SPAG9: variants seen among roughly 807,000 people sequenced by gnomAD.
The protein encoded by SPAG9 is C-Jun-amino-terminal kinase-interacting protein 4.
A neutral mutation model predicts 166.5 loss-of-function variants in SPAG9; 35 were observed. The ratio of observed to expected loss-of-function variants is 0.21; its 90% CI spans 0.16 to 0.28. The LOEUF (loss-of-function observed/expected upper bound fraction) is 0.28. Among genes scored for constraint, SPAG9 ranks in the 10% least tolerant of loss-of-function variants. SPAG9 has a pLI of 1.00. For synonymous variants in SPAG9, 534 were observed against 565.5 expected (o/e 0.94, Z 0.79); for missense variants, 1,235 against 1,603.3 (o/e 0.77, Z 3.92).
chr17:50,984,412 C>A (rs996100686), intron 24 of SPAG9, among the ~76,000 whole-genome samples: 1 of 152,158 alleles, frequency 6.6e-6, no homozygotes, highest in Non-Finnish European at 1.5e-5. Context: ...ACCAGCCGGG[C>A]ACGGTGGCTC....
chr17:50,998,480 C>T lies in SPAG9; in HGVS notation c.1802G>A (p.Gly601Glu). The change falls in exon 15 of 30, where the codon GGG becomes GAG. Residue 601 changes from glycine to glutamate, a missense_variant. Around this residue, in one of 6 missense-constraint regions of SPAG9, gnomAD observed 493 missense variants for 559.4 expected, o/e 0.88. Coordinates refer to ENST00000262013, the MANE Select transcript of SPAG9 (RefSeq NM_001130528.3). ...KRSSTLSQLPGDKSKAFDFLS... is the reference protein window; with the variant it reads ...KRSSTLSQLPEDKSKAFDFLS... ...GAAATCAAAGGCTTTGGACTTATCC[C>T]CAGGGAGCTGAGATAAGGTGCTGCT... 6.2e-7 allele frequency: 1 copy of T among 1,614,060 alleles called. No individual in the cohort carries two copies. Among genetic ancestry groups the T allele is most frequent in the African/African-American group, 1.3e-5 (1 of 75,008 alleles).
At chr17:51,007,676 A>C (rs967115558) in intron 9 of SPAG9, among the ~76,000 whole-genome samples, 2 of 152,150 alleles carry the variant, frequency 1.3e-5, no homozygotes, top group Admixed American at 6.5e-5. Context: ...ATATTCCAAC[A>C]CTACATAGGG....
chr17:51,033,368 A>C (rs993879001), intron 5 of SPAG9, among the ~76,000 whole-genome samples: 2 of 152,096 alleles, frequency 1.3e-5, no homozygotes, highest in African/African-American at 2.4e-5. Context: ...TTATCTTAAA[A>C]AGATATTATA....
chr17:51,065,375 A>G (rs1469094113), intron 2 of SPAG9, among the ~76,000 whole-genome samples: 2 of 152,102 alleles, frequency 1.3e-5, no homozygotes, highest in Non-Finnish European at 2.9e-5. Flanking sequence ...CCTATCCCTT[A>G]ACACAAGTAT....
intron 1 of SPAG9, among the ~76,000 whole-genome samples, chr17:51,118,069 G>A (rs1233966245): frequency 2.0e-5 from 3 of 151,342 alleles, no homozygotes; most frequent in East Asian, 1.9e-4. Flanking sequence ...GCTTGAACCC[G>A]GGAGGCAGTG....
chr17:51,079,956 T>C, intron 1 of SPAG9, among the ~76,000 whole-genome samples: 1 of 152,230 alleles, frequency 6.6e-6, no homozygotes. Context: ...CATATCTTAC[T>C]ACAAATATAT....
At position 50,995,398 on chromosome 17, in the gene SPAG9, A is replaced by G. The variant is rs1225146139; in HGVS notation, c.2058+46T>C. 2.0e-6 allele frequency: 3 copies of G among 1,499,362 alleles called. No homozygotes were observed. In the Admixed American group the frequency reaches 5.6e-5, roughly 28 times the overall value. The allele number at this position is 1,499,362 out of a possible 1,614,324, so 92.9% of individuals were successfully genotyped here. ...CTTTTTTGGTTTTAGAAAAAAAACT[A>G]CCCAGAGTTTAGAAAACATCTCCTT... On this transcript the variant is annotated intron_variant, in intron 17 of 29. Transcript: ENST00000262013.
chr17:51,115,428 T>C (rs1381619284), intron 1 of SPAG9, among the ~76,000 whole-genome samples: 2 of 151,752 alleles, frequency 1.3e-5, no homozygotes, highest in Non-Finnish European at 2.9e-5. Flanking sequence ...TTTTTTTTTT[T>C]TTTTAAAGCA....
intron 2 of SPAG9, among the ~76,000 whole-genome samples, chr17:51,065,178 A>G (rs981369074): frequency 6.6e-6 from 1 of 152,226 alleles, no homozygotes. Flanking sequence ...TGATATGTGA[A>G]TTAGATTTCA....
At chr17:50,991,923 C>CTTTTTT (rs1023810785) in intron 19 of SPAG9, among the ~76,000 whole-genome samples, 5 of 63,338 alleles carry the variant, frequency 7.9e-5, no homozygotes, top group Non-Finnish European at 1.1e-4. Context: ...CATGCCAGGT[C>CTTTTTT]TTTTTTTTTT....
intron 1 of SPAG9, among the ~76,000 whole-genome samples, chr17:51,097,365 G>A (rs774329547): frequency 1.3e-5 from 2 of 152,124 alleles, no homozygotes; most frequent in Admixed American, 6.6e-5. Flanking sequence ...AGACTGTACT[G>A]GACACAGAGG....
Position 51,089,615 on chromosome 17 carries a change from TTATTTTATATATATATATATATATATA to T in SPAG9, c.304-9938_304-9912del, listed in dbSNP as rs760408279. 5.0e-3 allele frequency among the ~76,000 whole-genome samples: 542 copies of T among 108,022 alleles called. 8 individuals carry two copies. The highest frequency in any genetic ancestry group is 0.016 in the African/African-American group (481 of 29,724). 70.9% of individuals were successfully genotyped at this position (108,022 alleles called of 152,430 possible). On this transcript the variant is annotated intron_variant, in intron 1 of 29. Transcript: ENST00000262013. ...CTTATTATATGTATATATATACACT[TTATTTTATATATATATATATATATATA>T]TATATATATATATATATATATACAC...
intron 1 of SPAG9, among the ~76,000 whole-genome samples, chr17:51,089,530 C>T (rs1165693846): frequency 6.8e-6 from 1 of 146,266 alleles, no homozygotes; most frequent in Non-Finnish European, 1.5e-5. Flanking sequence ...CTACCTGTTC[C>T]CCAAAAAATA....
At chr17:50,991,918 C>G (rs1198055139) in intron 19 of SPAG9, among the ~76,000 whole-genome samples, 2 of 140,966 alleles carry the variant, frequency 1.4e-5, no homozygotes, top group African/African-American at 2.6e-5. Flanking sequence ...GCCACCATGC[C>G]AGGTCTTTTT....
At chr17:51,048,621 T>A (rs1173227842) in intron 3 of SPAG9, among the ~76,000 whole-genome samples, 3 of 152,178 alleles carry the variant, frequency 2.0e-5, no homozygotes, top group Admixed American at 1.3e-4. Context: ...ATAAAATTTT[T>A]AAAAAGTTTA....
intron 26 of SPAG9, among the ~76,000 whole-genome samples, chr17:50,977,879 G>A (rs1215172746): frequency 1.3e-5 from 2 of 152,134 alleles, no homozygotes; most frequent in African/African-American, 4.8e-5. Context: ...CCAAGACTTT[G>A]TCTCTAAAAA....
At chr17:51,065,843 C>T (rs577073843) in intron 2 of SPAG9, among the ~76,000 whole-genome samples, 96 of 152,286 alleles carry the variant, frequency 6.3e-4, no homozygotes, top group African/African-American at 2.2e-3. Flanking sequence ...TACCCTTCCT[C>T]CAACTTAATG....
intron 10 of SPAG9, among the ~76,000 whole-genome samples, 182 bp from the exon 11 acceptor site, chr17:51,006,419 A>G (rs897243534): frequency 6.6e-6 from 1 of 152,202 alleles, no homozygotes; most frequent in Non-Finnish European, 1.5e-5. Flanking sequence ...CTAAGATTTT[A>G]CTCATTTATC....
rs569870560 is a variant in SPAG9, at chr17:50,993,677, G to A, written c.2398+87C>T. The A allele has an allele frequency of 6.5e-5, 86 of 1,319,430 alleles. 1 individual carries two copies. In the South Asian group the frequency reaches 1.0e-3, roughly 15 times the overall value. 81.7% of individuals were successfully genotyped at this position (1,319,430 alleles called of 1,614,324 possible). On this transcript the variant is annotated intron_variant, in intron 19 of 29. Transcript: ENST00000262013. ...AACATAAGCTTCATGACAGCAAGGT[G>A]CAGAACTGCATCTTCAGCTGCTACA...
Sources: allele counts gnomAD v4.1 joint callset (sites outside exome capture counted in the v4.1 genomes callset), GRCh38; gene constraint gnomAD v4.1.1; regional missense constraint gnomAD v4.1.1; transcripts MANE v1.5; gene names NCBI Gene and HGNC (gene_info 2026-07-23, HGNC 2026-07-21).